The following TMEM214 variants were observed in gnomAD, a reference collection of about 807,000 sequenced individuals.
The protein encoded by TMEM214 is transmembrane protein 214.
TMEM214 carries 71 observed loss-of-function variants against 89.8 expected under a neutral mutation model. The ratio of observed to expected loss-of-function variants is 0.79; its 90% confidence interval spans 0.65 to 0.96. TMEM214 has a LOEUF of 0.96. Ranked by LOEUF, TMEM214 falls within the 40% of genes least tolerant of loss-of-function variation. The pLI is 0.00. For missense variants in TMEM214, 754 were observed against 843.4 expected, an observed-to-expected ratio of 0.89 and a Z score of 1.31; for synonymous variants, 332 against 349.5, an observed-to-expected ratio of 0.95 and a Z score of 0.56.
At chr2:27,035,035 A>T (rs890754930) in intron 2 of TMEM214, 100 bp from the exon 3 acceptor site, 1 of 1,360,614 alleles carries the variant, frequency 7.3e-7, no homozygotes, top group African/African-American at 1.4e-5. Context: ...CCTTCTTCCT[A>T]CTGCCACCTA....
At chr2:27,034,465 A>T in intron 2 of TMEM214, 199 bp downstream of exon 2, 1 of 611,348 alleles carries the variant, frequency 1.6e-6, no homozygotes, top group Non-Finnish European at 2.8e-6. Flanking sequence ...TGGAAAATTT[A>T]TAGGGAAACA....
intron 16 of TMEM214, 68 bp downstream of exon 16, chr2:27,040,564 C>G: frequency 6.3e-7 from 1 of 1,591,428 alleles, no homozygotes; most frequent in Non-Finnish European, 8.5e-7. Context: ...AGGGACAAGC[C>G]ATCTCTATCC....
Position 27,040,691 on chromosome 2 carries a change from A to C in TMEM214, c.1944-20A>C. ...CAGCTACTCACGTGCATACTCAAAA[A>C]TGTTCCACTTTCCTTCCAGAGGTGA... On this transcript the variant is annotated intron_variant, in intron 16 of 16. Transcript: ENST00000238788. 1 of 1,612,744 alleles carries C rather than the reference A, an allele frequency of 6.2e-7. No homozygotes were observed. Among genetic ancestry groups the C allele is most frequent in the Middle Eastern group, 1.7e-4 (1 of 6,060 alleles).
chr2:27,040,629 G>A (rs999565300), intron 16 of TMEM214, 82 bp from the exon 17 acceptor site: 1 of 1,592,642 alleles, frequency 6.3e-7, no homozygotes, highest in African/African-American at 1.3e-5. Flanking sequence ...CTGGGATGAG[G>A]GTTGTGGGTC....
At position 27,038,395 on chromosome 2, in the gene TMEM214, C is replaced by A; in HGVS notation, c.1245-89C>A. ...TGTGGGTGGTAGGTGGAGGGTCTTTCAGCCTGAAGGAGCCAGGGCTAATGG... is the reference window on the plus strand; with the variant it reads ...TGTGGGTGGTAGGTGGAGGGTCTTTAAGCCTGAAGGAGCCAGGGCTAATGG... On this transcript the variant is annotated intron_variant, in intron 10 of 16. Transcript: ENST00000238788. The surrounding 1 kb of genome is among the most constrained non-coding windows in gnomAD (Gnocchi z 4.4). The A allele has an allele frequency of 6.3e-7, 1 of 1,577,842 alleles. No homozygotes were observed. The highest frequency in any genetic ancestry group is 1.3e-5 in the African/African-American group (1 of 74,316).
rs774633219 is a variant in TMEM214 at position 27,036,563 on chromosome 2, G to T, written c.797G>T (p.Gly266Val). Residue 266 changes from glycine (G) to valine (V), a missense_variant, in exon 6 of 17, where the codon GGT becomes GTT. By Grantham distance (109) the Gly-to-Val change is moderately radical (BLOSUM62 -3). Transcript: ENST00000238788. The part of the protein sequence containing the change: ...LTIMWALGQA[G>V]FANLTEGLKV... ...ATCATGTGGGCCCTGGGTCAAGCAG[G>T]TTTTGCCAACCTCACCGAGGGACTG... 6.2e-7 allele frequency: 1 copy of T among 1,614,214 alleles called. No individual in the cohort carries two copies. Among genetic ancestry groups the T allele is most frequent in the East Asian group, 2.2e-5 (1 of 44,888 alleles).
rs1471799344 is a variant in TMEM214, at chr2:27,038,825, C to T, written c.1407+10C>T. The T allele has an allele frequency of 1.9e-6, 3 of 1,607,496 alleles. No homozygotes were observed. The highest frequency in any genetic ancestry group is 1.7e-6 in the Non-Finnish European group (2 of 1,174,180). On this transcript the variant is annotated intron_variant, in intron 12 of 16. Transcript: ENST00000238788. The surrounding 1 kb of genome is among the most constrained non-coding windows in gnomAD (Gnocchi z 4.4). ...TGACATGGCCTGCAAGGTGCTGGCA[C>T]CCGGTCCTCTCCAGCCCACACGCTA...
chr2:27,034,361 A>G (rs566634051), intron 2 of TMEM214, 95 bp downstream of exon 2: 109 of 1,392,814 alleles, frequency 7.8e-5, no homozygotes, highest in Admixed American at 2.1e-4. Flanking sequence ...CTGAGATCCT[A>G]TGGGATTTGA....
intron 8 of TMEM214, among the ~76,000 whole-genome samples, 181 bp from the exon 9 acceptor site, chr2:27,037,380 A>G (rs564775059): frequency 6.6e-6 from 1 of 151,998 alleles, no homozygotes; most frequent in South Asian, 2.1e-4. Flanking sequence ...TTTCTTAGGG[A>G]TAGGGTCCAT....
Position 27,041,121 on chromosome 2 carries a change from T to C in TMEM214, c.*284T>C, listed in dbSNP as rs1667815908. The C allele has an allele frequency of 1.6e-5, 6 of 369,312 alleles. No individual in the cohort carries two copies. Among genetic ancestry groups the C allele is most frequent in the Non-Finnish European group, 2.5e-5 (5 of 199,552 alleles). The allele number at this position is 369,312 out of a possible 1,614,324, so 22.9% of individuals were successfully genotyped here. A position where few individuals can be genotyped will look rare whatever the true frequency, so the allele number is the denominator to read the frequency against. On this transcript the variant is annotated 3_prime_UTR_variant, in exon 17 of 17. Coordinates refer to ENST00000238788, the MANE Select transcript of TMEM214 (RefSeq NM_017727.5). ...TGGTAGCCTCTCACAACTCCGCCCTTGCCCTCTGCCTTCCACTTCCTTCCA... is the reference window on the plus strand; with the variant it reads ...TGGTAGCCTCTCACAACTCCGCCCTCGCCCTCTGCCTTCCACTTCCTTCCA...
chr2:27,033,286 T>C (rs1667410219), intron 1 of TMEM214, 120 bp downstream of exon 1: 2 of 1,033,678 alleles, frequency 1.9e-6, no homozygotes, highest in Non-Finnish European at 2.5e-6. Context: ...GCTTGCGTTG[T>C]CTCTTTGGAG....
chr2:27,036,133 T>A (rs1667548749), intron 5 of TMEM214, 81 bp downstream of exon 5: 1 of 1,341,388 alleles, frequency 7.5e-7, no homozygotes, highest in Non-Finnish European at 1.1e-6. Flanking sequence ...GGACTCAGGT[T>A]TGGGATAGTG....
intron 2 of TMEM214, 86 bp from the exon 3 acceptor site, chr2:27,035,049 C>T: frequency 1.3e-6 from 2 of 1,521,606 alleles, no homozygotes; most frequent in Non-Finnish European, 1.8e-6. Flanking sequence ...CCACCTAGTT[C>T]AACCATTTTC....
rs1185178715 is a variant in TMEM214 at position 27,041,605 on chromosome 2, G to C, written c.*768G>C. 1.3e-5 allele frequency: 2 copies of C among 153,774 alleles called. No homozygotes were observed. Among genetic ancestry groups the C allele is most frequent in the African/African-American group, 4.8e-5 (2 of 41,420 alleles). The allele number at this position is 153,774 out of a possible 1,614,324, so 9.5% of individuals were successfully genotyped here. A position where few individuals can be genotyped will look rare whatever the true frequency, so the allele number is the denominator to read the frequency against. On this transcript the variant is annotated 3_prime_UTR_variant, in exon 17 of 17. Transcript: ENST00000238788. ...AGGCAGTTGTGTGCCTTGGGCCCAGGGAACCCTCCATCAACCTGAGACAGG... is the reference window on the plus strand; with the variant it reads ...AGGCAGTTGTGTGCCTTGGGCCCAGCGAACCCTCCATCAACCTGAGACAGG...
At position 27,038,612 on chromosome 2, in the gene TMEM214, C is replaced by G; in HGVS notation, c.1293+80C>G. 6.2e-7 allele frequency: 1 copy of G among 1,606,834 alleles called. No homozygotes were observed. The highest frequency in any genetic ancestry group is 8.5e-7 in the Non-Finnish European group (1 of 1,174,562). ...AGTGGGGGCTCCTCAGCCACTGTCC[C>G]TTCCCTGAGAAGGGACCCTGTTGGC... On this transcript the variant is annotated intron_variant, in intron 11 of 16. Transcript: ENST00000238788. This position sits in a 1 kb window ranked among gnomAD's most constrained non-coding sequence, Gnocchi z 4.4.
At chr2:27,040,229 G>T (rs2148250339) in intron 15 of TMEM214, 31 bp downstream of exon 15, 3 of 1,605,162 alleles carry the variant, frequency 1.9e-6, no homozygotes, top group Non-Finnish European at 2.5e-6. Context: ...CAAATAAGGG[G>T]CTGGTTTTCC....
chr2:27,037,238 A>G, intron 8 of TMEM214, 60 bp downstream of exon 8: 2 of 1,338,902 alleles, frequency 1.5e-6, no homozygotes, highest in Admixed American at 1.7e-5. Flanking sequence ...ACCACACTAC[A>G]TATTCCCGTC....
In TMEM214 at chr2:27,038,572, G is replaced by C; in HGVS notation, c.1293+40G>C. On this transcript the variant is annotated intron_variant, in intron 11 of 16. Coordinates refer to ENST00000238788, the MANE Select transcript of TMEM214 (RefSeq NM_017727.5). The surrounding 1 kb of genome is among the most constrained non-coding windows in gnomAD (Gnocchi z 4.4). Reference sequence around the variant, plus strand: ...GGACGTGGCAGGTTGAGCCCTGTCTGGATTCTAGGTTCTGAGTGGGGGCTC... The same window carrying C: ...GGACGTGGCAGGTTGAGCCCTGTCTCGATTCTAGGTTCTGAGTGGGGGCTC... 1 of 1,613,372 alleles carries C rather than the reference G, an allele frequency of 6.2e-7. No homozygotes were observed. Among genetic ancestry groups the C allele is most frequent in the Non-Finnish European group, 8.5e-7 (1 of 1,179,614 alleles).
intron 4 of TMEM214, 24 bp from the exon 5 acceptor site, chr2:27,035,946 G>A (rs768585347): frequency 2.5e-6 from 4 of 1,612,212 alleles, no homozygotes; most frequent in Non-Finnish European, 3.4e-6. Flanking sequence ...ATGTGAGTAG[G>A]TGTGAGAATG....
Sources: allele counts gnomAD v4.1 joint callset (sites outside exome capture counted in the v4.1 genomes callset), GRCh38; gene constraint gnomAD v4.1.1; non-coding constraint Gnocchi (gnomAD v3.1); transcripts MANE v1.5; gene names NCBI Gene and HGNC (gene_info 2026-07-23, HGNC 2026-07-21).